Variants in PPP2R5E observed in about 807,000 individuals in gnomAD.
PPP2R5E encodes the protein serine/threonine-protein phosphatase 2A 56 kDa regulatory subunit epsilon isoform.
In PPP2R5E, 4 loss-of-function variants were observed where a neutral mutation model predicts 65.3. That is an observed-to-expected ratio of 0.06 (90% CI 0.03 to 0.14). The LOEUF (loss-of-function observed/expected upper bound fraction) is 0.14, where lower values mean the gene tolerates loss of function less well. Ranked by LOEUF, PPP2R5E falls within the 10% of genes least tolerant of loss-of-function variation. The pLI is 1.00. For missense variants in PPP2R5E, 274 were observed against 556.1 expected (o/e 0.49, Z 5.10); for synonymous variants, 183 against 187.4 (o/e 0.98, Z 0.19).
intron 3 of PPP2R5E, among the ~76,000 whole-genome samples, chr14:63,433,212 A>C (rs1463749290): frequency 6.6e-6 from 1 of 151,426 alleles, no homozygotes; most frequent in African/African-American, 2.4e-5. Flanking sequence ...TAATTTTTAT[A>C]TTTTTAGTAG....
At chr14:63,471,534 AACTTAGTAAGCACTT>A (rs1890131099) in intron 2 of PPP2R5E, among the ~76,000 whole-genome samples, 1 of 152,170 alleles carries the variant, frequency 6.6e-6, no homozygotes, top group African/African-American at 2.4e-5. Context: ...TAATAGTAAA[AACTTAGTAAGCACTT>A]ACTCTGTGGC....
intron 2 of PPP2R5E, among the ~76,000 whole-genome samples, chr14:63,454,396 A>G (rs1402801554): frequency 6.6e-6 from 1 of 152,170 alleles, no homozygotes; most frequent in Non-Finnish European, 1.5e-5. Context: ...ATCTGTATGA[A>G]GTTTCTTTCT....
chr14:63,473,957 A>C (rs1213382067), intron 2 of PPP2R5E, among the ~76,000 whole-genome samples: 1 of 152,210 alleles, frequency 6.6e-6, no homozygotes, highest in African/African-American at 2.4e-5. Context: ...AGTTGGAGTG[A>C]GCACATGGTT....
At position 63,381,823 on chromosome 14, in the gene PPP2R5E, T is replaced by C. The variant is rs573212647; in HGVS notation, c.1304+233A>G. Reference sequence around the variant, plus strand: ...AATACTACATAGTTCAGGTGTGTCATAGTAGGCTACACCATCTAGGTTTGT... The same window carrying C: ...AATACTACATAGTTCAGGTGTGTCACAGTAGGCTACACCATCTAGGTTTGT... On this transcript the variant is annotated intron_variant, in intron 13 of 13. Coordinates refer to ENST00000337537, the MANE Select transcript of PPP2R5E (RefSeq NM_006246.5). 3.9e-5 allele frequency among the ~76,000 whole-genome samples: 6 copies of C among 152,366 alleles called. No individual in the cohort carries two copies. The East Asian group carries it at 5.8e-4, about 15-fold the overall frequency.
intron 2 of PPP2R5E, among the ~76,000 whole-genome samples, chr14:63,463,295 A>T (rs866098397): frequency 6.6e-6 from 1 of 150,748 alleles, no homozygotes; most frequent in African/African-American, 2.4e-5. Context: ...ACGCACCACC[A>T]CGCCCAGCTA....
chr14:63,394,095 T>C (rs1885191346), intron 7 of PPP2R5E, among the ~76,000 whole-genome samples, 167 bp from the exon 8 acceptor site: 1 of 123,056 alleles, frequency 8.1e-6, no homozygotes. Flanking sequence ...TTTTTTTTTT[T>C]TGAGACAGAG....
intron 5 of PPP2R5E, 39 bp downstream of exon 5, chr14:63,415,101 C>A: frequency 7.0e-7 from 1 of 1,428,276 alleles, no homozygotes; most frequent in South Asian, 1.2e-5. Context: ...AAAGTGTTAA[C>A]TGGATGACAA....
At chr14:63,501,203 T>C (rs1027459794) in intron 2 of PPP2R5E, among the ~76,000 whole-genome samples, 1 of 151,898 alleles carries the variant, frequency 6.6e-6, no homozygotes, top group Non-Finnish European at 1.5e-5. Context: ...ATCGAGACTA[T>C]CCTGGCTAAC....
intron 2 of PPP2R5E, among the ~76,000 whole-genome samples, chr14:63,472,247 C>G (rs1003647806): frequency 6.6e-6 from 1 of 152,180 alleles, no homozygotes; most frequent in Non-Finnish European, 1.5e-5. Flanking sequence ...TTGAAATGAG[C>G]TGAGATCACG....
At chr14:63,436,962 G>A (rs1489996480) in intron 3 of PPP2R5E, among the ~76,000 whole-genome samples, 1 of 152,176 alleles carries the variant, frequency 6.6e-6, no homozygotes, top group Non-Finnish European at 1.5e-5. Context: ...TTAGTCACAG[G>A]ATGAAATAGG....
chr14:63,484,678 C>T (rs1241430706), intron 2 of PPP2R5E, among the ~76,000 whole-genome samples: 1 of 152,148 alleles, frequency 6.6e-6, no homozygotes, highest in Non-Finnish European at 1.5e-5. Flanking sequence ...GAAGGCCAGA[C>T]ACAGTAAGTT....
chr14:63,376,910 G>A (rs897450252), intron 13 of PPP2R5E, among the ~76,000 whole-genome samples: 2 of 152,126 alleles, frequency 1.3e-5, no homozygotes, highest in Non-Finnish European at 2.9e-5. Flanking sequence ...GCTCACGCCT[G>A]TAATCCTAGC....
chr14:63,526,794 C>T (rs187237567), intron 2 of PPP2R5E, among the ~76,000 whole-genome samples: 2 of 152,114 alleles, frequency 1.3e-5, no homozygotes, highest in African/African-American at 4.8e-5. Flanking sequence ...TGGGCTCAAG[C>T]GATCCTCCCA....
At chr14:63,503,337 G>A (rs961059950) in intron 2 of PPP2R5E, among the ~76,000 whole-genome samples, 2 of 152,156 alleles carry the variant, frequency 1.3e-5, no homozygotes, top group Admixed American at 1.3e-4. Context: ...AGAACGTGGG[G>A]TGTGGAGTGA....
At chr14:63,442,538 T>C (rs1179600561) in intron 3 of PPP2R5E, among the ~76,000 whole-genome samples, 1 of 152,098 alleles carries the variant, frequency 6.6e-6, no homozygotes, top group African/African-American at 2.4e-5. Flanking sequence ...CAGTCACCCA[T>C]GGAATAAGTA....
intron 3 of PPP2R5E, among the ~76,000 whole-genome samples, chr14:63,439,618 C>A (rs1475301703): frequency 1.3e-5 from 2 of 152,210 alleles, no homozygotes; most frequent in African/African-American, 2.4e-5. Flanking sequence ...AGGTGATCCA[C>A]CCTCCTCGGC....
chr14:63,398,966 C>T (rs1022198270), intron 5 of PPP2R5E, among the ~76,000 whole-genome samples: 1 of 152,116 alleles, frequency 6.6e-6, no homozygotes, highest in East Asian at 1.9e-4. Context: ...TTTGGCAGTT[C>T]CTTAAATCTC....
chr14:63,383,300 A>G (rs986902374), intron 12 of PPP2R5E, among the ~76,000 whole-genome samples: 6 of 152,246 alleles, frequency 3.9e-5, no homozygotes, highest in Admixed American at 3.9e-4. Context: ...AATTAGCCAT[A>G]TATTAAATAA....
At chr14:63,399,366 C>CTTTTT (rs397814218) in intron 5 of PPP2R5E, among the ~76,000 whole-genome samples, 2,243 of 48,796 alleles carry the variant, frequency 0.046, 246 homozygotes, top group Non-Finnish European at 0.063. Flanking sequence ...GGATTTCTTT[C>CTTTTT]TTTTTTTTTT....
Sources: gnomAD v4.1 joint callset for allele counts (sites outside exome capture counted in the v4.1 genomes callset) on GRCh38, gnomAD v4.1.1 for gene constraint, MANE v1.5 for transcripts, NCBI Gene and HGNC (gene_info 2026-07-23, HGNC 2026-07-21) for gene names.